Variants in ZNF423 observed in about 807,000 individuals in gnomAD.
The protein encoded by ZNF423 is zinc finger protein 423.
A neutral mutation model predicts 95.8 loss-of-function variants in ZNF423; 12 were observed. The observed-to-expected ratio is 0.13, with a 90% CI of 0.08 to 0.20. The LOEUF is 0.20. Ranked by LOEUF, ZNF423 falls within the 10% of genes least tolerant of loss-of-function variation. The pLI is 1.00. For synonymous variants in ZNF423, 749 were observed against 711.9 expected (o/e 1.05, Z -0.83); for missense variants, 1,316 against 1,737.1 (o/e 0.76, Z 4.31).
At chr16:49,828,690 C>A (rs1567362700) in intron 1 of ZNF423, among the ~76,000 whole-genome samples, 1 of 152,194 alleles carries the variant, frequency 6.6e-6, no homozygotes, top group Non-Finnish European at 1.5e-5. Flanking sequence ...CCCCAAAGAG[C>A]CCCTGGGCGG....
intron 4 of ZNF423, among the ~76,000 whole-genome samples, chr16:49,634,050 G>A (rs1972596531): frequency 6.6e-6 from 1 of 151,962 alleles, no homozygotes; most frequent in Non-Finnish European, 1.5e-5. Context: ...GGGACTACAG[G>A]TGTATGCCAC....
intron 5 of ZNF423, among the ~76,000 whole-genome samples, chr16:49,599,149 C>A (rs1018398496): frequency 7.2e-5 from 11 of 152,108 alleles, no homozygotes; most frequent in African/African-American, 2.7e-4. Context: ...CCTTTGAAAT[C>A]GCTTACAGGT....
chr16:49,538,683 A>C (rs1419735477), intron 5 of ZNF423, among the ~76,000 whole-genome samples: 1 of 152,158 alleles, frequency 6.6e-6, no homozygotes, highest in Non-Finnish European at 1.5e-5. Flanking sequence ...CTGCACTCAC[A>C]GGGCCTCACT....
intron 5 of ZNF423, among the ~76,000 whole-genome samples, chr16:49,619,584 C>T (rs1351828039): frequency 2.3e-5 from 3 of 132,166 alleles, no homozygotes; most frequent in Admixed American, 7.5e-5. Context: ...GGTTTGGCAA[C>T]GAAAAAAAAA....
intron 1 of ZNF423, among the ~76,000 whole-genome samples, chr16:49,802,795 C>T (rs1156713830): frequency 6.6e-6 from 1 of 152,166 alleles, no homozygotes; most frequent in African/African-American, 2.4e-5. Flanking sequence ...ATAAGTAATC[C>T]ATGTACAACG....
chr16:49,663,554 C>T (rs371082723), intron 3 of ZNF423, among the ~76,000 whole-genome samples: 28 of 152,308 alleles, frequency 1.8e-4, no homozygotes, highest in African/African-American at 4.3e-4. Context: ...AAGTCAGGCC[C>T]GGCAGCTGCA....
intron 6 of ZNF423, among the ~76,000 whole-genome samples, chr16:49,524,399 G>T (rs1052824334): frequency 6.6e-6 from 1 of 152,210 alleles, no homozygotes; most frequent in Non-Finnish European, 1.5e-5. Flanking sequence ...GTTGGCAGAC[G>T]GGCAGCTGGG....
chr16:49,665,702 G>GC (rs895581892), intron 3 of ZNF423, among the ~76,000 whole-genome samples: 20 of 152,122 alleles, frequency 1.3e-4, no homozygotes, highest in African/African-American at 4.3e-4. Flanking sequence ...GACTCGGGGA[G>GC]CCCCCCATCA....
chr16:49,803,072 T>C (rs1397738107), intron 1 of ZNF423, among the ~76,000 whole-genome samples: 1 of 151,726 alleles, frequency 6.6e-6, no homozygotes, highest in Non-Finnish European at 1.5e-5. Context: ...CTAGGCAACA[T>C]ATCGAGATTC....
intron 1 of ZNF423, chr16:49,822,754 C>T (rs2034960491): frequency 6.3e-7 from 1 of 1,592,698 alleles, no homozygotes; most frequent in African/African-American, 1.4e-5. Flanking sequence ...GGAATAAATA[C>T]AAAATTTCTT....
In ZNF423 at chr16:49,824,085, T is replaced by A. The variant is rs577573842; in HGVS notation, c.40+31650A>T. Among the ~76,000 whole-genome samples, 100 of 150,652 alleles carry A rather than the reference T, an allele frequency of 6.6e-4. 1 individual carries two copies. Among genetic ancestry groups the A allele is most frequent in the African/African-American group, 1.5e-3 (60 of 40,518 alleles). On this transcript the variant is annotated intron_variant, in intron 1 of 7. Coordinates refer to ENST00000563137, the MANE Select transcript of ZNF423 (RefSeq NM_001379286.1). The stretch of plus-strand genomic sequence containing the variant: ...CAGAGTGATAACATCTCAAAAAAAA[T>A]TTTTTTTTAATCCAAAAGGGTAGTT...
At chr16:49,580,877 G>T (rs1389596292) in intron 5 of ZNF423, among the ~76,000 whole-genome samples, 2 of 152,124 alleles carry the variant, frequency 1.3e-5, no homozygotes, top group African/African-American at 4.8e-5. Context: ...TAGAAACGTG[G>T]ACTGTGACCA....
chr16:49,675,614 C>A (rs1596833744), intron 3 of ZNF423, among the ~76,000 whole-genome samples: 1 of 152,124 alleles, frequency 6.6e-6, no homozygotes. Context: ...CATTTCCAGG[C>A]AAATGTTCTA....
At chr16:49,790,896 CATA>C (rs1316518438) in intron 1 of ZNF423, among the ~76,000 whole-genome samples, 4 of 152,174 alleles carry the variant, frequency 2.6e-5, no homozygotes, top group African/African-American at 9.7e-5. Flanking sequence ...TAACTGCCCC[CATA>C]ATAATGTCAG....
chr16:49,768,686 C>T (rs1332245155), intron 2 of ZNF423, among the ~76,000 whole-genome samples: 1 of 152,236 alleles, frequency 6.6e-6, no homozygotes, highest in South Asian at 2.1e-4. Flanking sequence ...TCCCAACCTG[C>T]AATGTCAACG....
intron 1 of ZNF423, among the ~76,000 whole-genome samples, chr16:49,832,040 G>A (rs1250691313): frequency 6.6e-6 from 1 of 151,522 alleles, no homozygotes; most frequent in African/African-American, 2.4e-5. Context: ...TTTCTTTGTT[G>A]CTTCTGACTT....
chr16:49,683,318 G>C (rs185811005), intron 3 of ZNF423, among the ~76,000 whole-genome samples: 134 of 152,278 alleles, frequency 8.8e-4, no homozygotes, highest in South Asian at 1.5e-3. Flanking sequence ...ATCACTACTG[G>C]AGAAAGAGCT....
intron 7 of ZNF423, among the ~76,000 whole-genome samples, chr16:49,493,024 C>T (rs987790275): frequency 1.3e-5 from 2 of 152,222 alleles, no homozygotes; most frequent in African/African-American, 4.8e-5. Context: ...ACACCTCGGT[C>T]GGGGGCGTCA....
chr16:49,494,091 C>A (rs762917902), intron 7 of ZNF423, among the ~76,000 whole-genome samples: 27 of 152,222 alleles, frequency 1.8e-4, no homozygotes, highest in Non-Finnish European at 3.8e-4. Flanking sequence ...ACATGGCCCA[C>A]ACTGGCTCAC....
Sources: gnomAD v4.1 joint callset for allele counts (sites outside exome capture counted in the v4.1 genomes callset) on GRCh38, gnomAD v4.1.1 for gene constraint, MANE v1.5 for transcripts, NCBI Gene and HGNC (gene_info 2026-07-23, HGNC 2026-07-21) for gene names.